Variants in RASGRP3 observed in about 807,000 individuals in gnomAD.
RASGRP3 encodes the protein ras guanyl-releasing protein 3.
RASGRP3 carries 54 observed loss-of-function variants against 82.7 expected under a neutral mutation model. The observed-to-expected ratio is 0.65, with a 90% CI of 0.52 to 0.82. The LOEUF (loss-of-function observed/expected upper bound fraction) is 0.82. Ranked by LOEUF, RASGRP3 falls within the 40% of genes least tolerant of loss-of-function variation. The pLI is 0.00. For synonymous variants in RASGRP3, 309 were observed against 300.5 expected, an observed-to-expected ratio of 1.03 and a Z score of -0.29; for missense variants, 861 against 828.9, an observed-to-expected ratio of 1.04 and a Z score of -0.48.
chr2:33,533,464 C>T (rs559140029), intron 10 of RASGRP3: 2 of 152,168 alleles, frequency 1.3e-5, no homozygotes, highest in East Asian at 1.9e-4. Flanking sequence ...TATAAAATAA[C>T]ACTTCTTGAG....
chr2:33,525,570 A>T (rs1208858533), intron 9 of RASGRP3, among the ~76,000 whole-genome samples: 1 of 151,884 alleles, frequency 6.6e-6, no homozygotes, highest in African/African-American at 2.4e-5. Context: ...ACAATAAGCA[A>T]ATGTATCGTC....
rs1266810544 is a variant in RASGRP3, at chr2:33,511,708, A to T, written c.-260-2A>T. On this transcript the variant is annotated splice_acceptor_variant, in intron 1 of 17. Transcript: ENST00000403687. LOFTEE classifies it low-confidence loss of function (5UTR_SPLICE). ...GGGGGTTTCTTTCTGTTCTTTTGTCAGGTTCTCCAAAATACTTATCATTCA... is the reference window on the plus strand; with the variant it reads ...GGGGGTTTCTTTCTGTTCTTTTGTCTGGTTCTCCAAAATACTTATCATTCA... 1 of 152,598 alleles carries T rather than the reference A, an allele frequency of 6.6e-6. No individual in the cohort carries two copies. The highest frequency in any genetic ancestry group is 1.5e-5 in the Non-Finnish European group (1 of 68,042). 9.5% of individuals were successfully genotyped at this position (152,598 alleles called of 1,614,324 possible). A position where few individuals can be genotyped will look rare whatever the true frequency, so the allele number is the denominator to read the frequency against.
chr2:33,470,261 G>A (rs563753528), intron 2 of RASGRP3, among the ~76,000 whole-genome samples: 1 of 152,036 alleles, frequency 6.6e-6, no homozygotes, highest in Admixed American at 6.5e-5. Context: ...ATACAGAAAT[G>A]TATCAAACTG....
At chr2:33,488,581 C>A (rs17594990) in intron 1 of RASGRP3, among the ~76,000 whole-genome samples, 9,167 of 152,250 alleles carry the variant, frequency 0.06, 300 homozygotes, top group South Asian at 0.11. Context: ...TATCCTCTGA[C>A]TTCCTCCAGA....
At chr2:33,536,222 A>G (rs1673591134) in intron 11 of RASGRP3, among the ~76,000 whole-genome samples, 1 of 151,414 alleles carries the variant, frequency 6.6e-6, no homozygotes, top group Admixed American at 6.6e-5. Context: ...GGATCACTCG[A>G]ATCCAGGAGG....
chr2:33,560,930 TATCCTG>T (rs1676580324), intron 17 of RASGRP3, among the ~76,000 whole-genome samples: 2 of 152,234 alleles, frequency 1.3e-5, no homozygotes, highest in South Asian at 4.1e-4. Context: ...ATAGGTAAGA[TATCCTG>T]ATCATTAATC....
Position 33,521,903 on chromosome 2 carries a change from T to A in RASGRP3, c.369-52T>A, listed in dbSNP as rs530144382. The A allele has an allele frequency of 4.5e-6, 7 of 1,559,928 alleles. No homozygotes were observed. The African/African-American group carries it at 9.6e-5, about 21-fold the overall frequency. On this transcript the variant is annotated intron_variant, in intron 6 of 17. Transcript: ENST00000403687. The stretch of plus-strand genomic sequence containing the variant: ...AGAGTCAGTAGGTTAATAACTTCCA[T>A]TGAGTGAAATGGGCTTTCAACACAT...
upstream of RASGRP3, among the ~76,000 whole-genome samples, chr2:33,472,474 C>A (rs1440851681): frequency 6.6e-6 from 1 of 152,038 alleles, no homozygotes; most frequent in Non-Finnish European, 1.5e-5. Context: ...AGGAAATCAC[C>A]GCAGACCTTC....
chr2:33,563,927 A>AAAT lies in RASGRP3; in HGVS notation c.*1192_*1194dup, dbSNP rs1355229052. 1 of 152,200 alleles carries AAAT rather than the reference A, an allele frequency of 6.6e-6. No individual in the cohort carries two copies. The highest frequency in any genetic ancestry group is 1.5e-5 in the Non-Finnish European group (1 of 68,044). The allele number at this position is 152,200 out of a possible 1,614,324, so 9.4% of individuals were successfully genotyped here. On this transcript the variant is annotated 3_prime_UTR_variant, in exon 18 of 18. Transcript: ENST00000403687. ...AGAGAACTTGATTCAAGATACTGAAAAATAGAGCTGGGACTGAGCCTGTGA... is the reference window on the plus strand; with the variant it reads ...AGAGAACTTGATTCAAGATACTGAAAAATAATAGAGCTGGGACTGAGCCTGTGA...
intron 1 of RASGRP3, among the ~76,000 whole-genome samples, chr2:33,486,304 C>G (rs1393268412): frequency 1.3e-5 from 2 of 151,998 alleles, no homozygotes; most frequent in Non-Finnish European, 2.9e-5. Context: ...ACTGGGATTA[C>G]AGGTGCCCAC....
intron 13 of RASGRP3, among the ~76,000 whole-genome samples, chr2:33,544,455 T>C (rs191056891): frequency 7.2e-4 from 109 of 152,216 alleles, no homozygotes; most frequent in African/African-American, 2.5e-3. Context: ...TAGCGTCAAA[T>C]GATTCCTAAA....
In RASGRP3 at chr2:33,527,432, G is replaced by A. The variant is rs1325599066; in HGVS notation, c.1083+20G>A. On this transcript the variant is annotated intron_variant, in intron 10 of 17. Coordinates refer to ENST00000403687, the MANE Select transcript of RASGRP3 (RefSeq NM_001139488.2). ...CTCACGGTGAGTTCCAAGGAGCCAA[G>A]TTTGGGCTCAATAATTCTTCTGCAC... The A allele has an allele frequency of 6.3e-7, 1 of 1,596,386 alleles. No individual in the cohort carries two copies. Among genetic ancestry groups the A allele is most frequent in the East Asian group, 2.2e-5 (1 of 44,514 alleles).
Position 33,527,189 on chromosome 2 carries a change from A to T in RASGRP3, c.860A>T (p.Tyr287Phe). The T allele has an allele frequency of 6.2e-7, 1 of 1,614,052 alleles. No individual in the cohort carries two copies. Among genetic ancestry groups the T allele is most frequent in the Non-Finnish European group, 8.5e-7 (1 of 1,179,868 alleles). The part of the protein sequence containing the change: ...LVSSNGNYCN[Y>F]RKAFADCDGF... ...TCCTCCAACGGCAATTACTGCAATTACCGCAAGGCCTTTGCCGACTGCGAT... is the reference window on the plus strand; with the variant it reads ...TCCTCCAACGGCAATTACTGCAATTTCCGCAAGGCCTTTGCCGACTGCGAT... Residue 287 changes from tyrosine (Y) to phenylalanine (F), a missense_variant, in exon 10 of 18, where the codon TAC becomes TTC. Tyr to Phe is a conservative substitution (Grantham distance 22, BLOSUM62 3). Coordinates refer to ENST00000403687, the MANE Select transcript of RASGRP3 (RefSeq NM_001139488.2).
upstream of RASGRP3, among the ~76,000 whole-genome samples, chr2:33,472,388 G>A (rs1345864107): frequency 6.6e-6 from 1 of 152,194 alleles, no homozygotes; most frequent in Non-Finnish European, 1.5e-5. Context: ...CGATGGCCCG[G>A]AGGGGCTTTC....
At chr2:33,481,108 T>C (rs1667852820) in intron 1 of RASGRP3, 1 of 152,282 alleles carries the variant, frequency 6.6e-6, no homozygotes, top group Non-Finnish European at 1.5e-5. Flanking sequence ...CTATATCTCT[T>C]GTCTACTGAC....
At chr2:33,460,903 G>A (rs765885579) in intron 2 of RASGRP3, among the ~76,000 whole-genome samples, 1 of 152,196 alleles carries the variant, frequency 6.6e-6, no homozygotes, top group Non-Finnish European at 1.5e-5. Context: ...GTGATAATGT[G>A]AGTATTCTGG....
intron 2 of RASGRP3, chr2:33,458,131 G>A (rs986614388): frequency 6.6e-5 from 10 of 152,150 alleles, no homozygotes; most frequent in Admixed American, 2.0e-4. Flanking sequence ...ATCTGGGCCA[G>A]TAAGTTGGGT....
chr2:33,458,280 AAAAC>A (rs952001242), intron 2 of RASGRP3: 1 of 152,242 alleles, frequency 6.6e-6, no homozygotes, highest in African/African-American at 2.4e-5. Flanking sequence ...GTAGCTTTCT[AAAAC>A]AAAGAATGCT....
At chr2:33,525,165 T>A (rs918302621) in intron 9 of RASGRP3, among the ~76,000 whole-genome samples, 1 of 151,006 alleles carries the variant, frequency 6.6e-6, no homozygotes, top group Non-Finnish European at 1.5e-5. Flanking sequence ...GGTCCTACTA[T>A]GTGATAGGCA....
Sources: gnomAD v4.1 joint callset for allele counts (sites outside exome capture counted in the v4.1 genomes callset) on GRCh38, gnomAD v4.1.1 for gene constraint, MANE v1.5 for transcripts, NCBI Gene and HGNC (gene_info 2026-07-23, HGNC 2026-07-21) for gene names.